Variants in CTNNA1 observed in about 807,000 individuals in gnomAD.
The protein encoded by CTNNA1 is catenin alpha 1.
A neutral mutation model predicts 98.4 loss-of-function variants in CTNNA1; 37 were observed. That is an observed-to-expected ratio of 0.38 (90% CI 0.29 to 0.49). The LOEUF (loss-of-function observed/expected upper bound fraction) is 0.49, where lower values mean the gene tolerates loss of function less well. CTNNA1 is among the 20% of genes least tolerant of loss of function. CTNNA1 has a pLI of 0.95. For synonymous variants in CTNNA1, 404 were observed against 413.2 expected, an observed-to-expected ratio of 0.98 and a Z score of 0.27; for missense variants, 761 against 1,147.2, an observed-to-expected ratio of 0.66 and a Z score of 4.86.
chr5:138,757,942 C>G (rs186195094), intron 1 of CTNNA1, among the ~76,000 whole-genome samples: 3 of 152,110 alleles, frequency 2.0e-5, no homozygotes, highest in Admixed American at 2.0e-4. Flanking sequence ...CCACCCAGAT[C>G]TAATCACTGA....
At chr5:138,801,097 A>G (rs1198066268) in intron 3 of CTNNA1, among the ~76,000 whole-genome samples, 3 of 152,250 alleles carry the variant, frequency 2.0e-5, no homozygotes, top group Non-Finnish European at 2.9e-5. Flanking sequence ...GATGATTAGC[A>G]TCGCATGCAG....
chr5:138,897,298 CCCCCCCCCCCG>C (rs1176005546), intron 9 of CTNNA1, among the ~76,000 whole-genome samples: 1 of 78,490 alleles, frequency 1.3e-5, no homozygotes, highest in East Asian at 5.1e-4. Context: ...CACCGCACCC[CCCCCCCCCCCG>C]CCCCCGCCCA....
chr5:138,890,576 A>G (rs75562320), intron 9 of CTNNA1, among the ~76,000 whole-genome samples: 2,827 of 152,314 alleles, frequency 0.019, 93 homozygotes, highest in African/African-American at 0.065. Flanking sequence ...CAGAGATTCT[A>G]TGCCTCTTCC....
At chr5:138,853,729 T>G (rs751521640) in intron 7 of CTNNA1, among the ~76,000 whole-genome samples, 1 of 152,230 alleles carries the variant, frequency 6.6e-6, no homozygotes, top group Non-Finnish European at 1.5e-5. Flanking sequence ...GGGCACAGAT[T>G]AAAGAGTTTA....
intron 7 of CTNNA1, chr5:138,875,648 T>C: frequency 1.0e-6 from 1 of 985,482 alleles, no homozygotes; most frequent in Non-Finnish European, 1.2e-6. Flanking sequence ...AGAGCCAGTG[T>C]TAGACTGCCG....
At chr5:138,887,452 G>A in intron 8 of CTNNA1, 38 bp from the exon 9 acceptor site, 1 of 1,502,498 alleles carries the variant, frequency 6.7e-7, no homozygotes. Context: ...TACCTTTTTG[G>A]TAGAAATAAA....
intron 3 of CTNNA1, among the ~76,000 whole-genome samples, chr5:138,798,046 A>C (rs539986417): frequency 3.9e-5 from 6 of 152,314 alleles, no homozygotes; most frequent in Non-Finnish European, 7.3e-5. Flanking sequence ...ATTTAAAATT[A>C]AAAGCTAACA....
At chr5:138,877,250 G>T (rs1161817177) in intron 7 of CTNNA1, among the ~76,000 whole-genome samples, 2 of 152,110 alleles carry the variant, frequency 1.3e-5, no homozygotes, top group Non-Finnish European at 2.9e-5. Context: ...TCTCTCAATA[G>T]GCTAGAACTT....
chr5:138,919,573 C>G (rs1032478664), intron 11 of CTNNA1, among the ~76,000 whole-genome samples: 3 of 152,198 alleles, frequency 2.0e-5, no homozygotes, highest in East Asian at 1.9e-4. Context: ...TTAACAGATA[C>G]ACTGTTGTCT....
intron 5 of CTNNA1, among the ~76,000 whole-genome samples, chr5:138,819,712 G>C (rs1447893601): frequency 6.6e-6 from 1 of 152,166 alleles, no homozygotes; most frequent in African/African-American, 2.4e-5. Flanking sequence ...AGTGTGGGGT[G>C]ACTCCTCTAA....
intron 3 of CTNNA1, among the ~76,000 whole-genome samples, chr5:138,799,698 T>C (rs1757349555): frequency 1.3e-5 from 2 of 152,050 alleles, no homozygotes; most frequent in Admixed American, 1.3e-4. Flanking sequence ...CTTATTTATA[T>C]ACTTGTTTAT....
chr5:138,762,228 C>T (rs1752448260), intron 1 of CTNNA1: 1 of 152,206 alleles, frequency 6.6e-6, no homozygotes. Context: ...GCTTCCAGAC[C>T]TTGAAGATAT....
chr5:138,795,066 C>T (rs1437948005), intron 3 of CTNNA1, among the ~76,000 whole-genome samples: 1 of 149,460 alleles, frequency 6.7e-6, no homozygotes, highest in Non-Finnish European at 1.5e-5. Flanking sequence ...GGGAGAATCA[C>T]TTGAACTCGG....
chr5:138,877,603 A>G (rs288034), intron 7 of CTNNA1, among the ~76,000 whole-genome samples: 52,047 of 150,914 alleles, frequency 0.34, 9,538 homozygotes, highest in African/African-American at 0.5. Context: ...GCCCGCCACC[A>G]CGCCCGGCTA....
In CTNNA1 at chr5:138,874,213, T is replaced by C. The variant is rs373970036; in HGVS notation, c.1063-11999T>C. ...GCAAGTAAAATATTTTGTTGGAACT[T>C]AAGATTAATTCCTTAAGTTTATATA... On this transcript the variant is annotated intron_variant, in intron 7 of 17. Coordinates refer to ENST00000302763, the MANE Select transcript of CTNNA1 (RefSeq NM_001903.5). The surrounding 1 kb of genome is among the most constrained non-coding windows in gnomAD (Gnocchi z 4.1). The C allele has an allele frequency of 1.5e-5, 25 of 1,613,892 alleles. No individual in the cohort carries two copies. Among genetic ancestry groups the C allele is most frequent in the African/African-American group, 5.3e-5 (4 of 74,926 alleles).
chr5:138,813,438 C>A (rs189826920), intron 5 of CTNNA1, among the ~76,000 whole-genome samples: 1 of 152,284 alleles, frequency 6.6e-6, no homozygotes, highest in Non-Finnish European at 1.5e-5. Flanking sequence ...TCAGAATAAT[C>A]CAGATCCACC....
At chr5:138,808,850 A>G (rs1025434644) in intron 3 of CTNNA1, among the ~76,000 whole-genome samples, 1 of 152,096 alleles carries the variant, frequency 6.6e-6, no homozygotes, top group Admixed American at 6.6e-5. Flanking sequence ...TAACCAGTGG[A>G]CAAGACACAA....
intron 3 of CTNNA1, among the ~76,000 whole-genome samples, chr5:138,796,625 C>G (rs2149693339): frequency 6.6e-6 from 1 of 151,640 alleles, no homozygotes; most frequent in Non-Finnish European, 1.5e-5. Context: ...ATAAAGAGAA[C>G]AAAGTTACTT....
intron 2 of CTNNA1, 146 bp from the exon 3 acceptor site, chr5:138,783,031 A>G (rs1755301109): frequency 5.2e-6 from 3 of 580,294 alleles, no homozygotes; most frequent in Middle Eastern, 4.8e-4. Context: ...TCATTGCTGT[A>G]TATCTTAAAT....
Sources: allele counts gnomAD v4.1 joint callset (sites outside exome capture counted in the v4.1 genomes callset), GRCh38; gene constraint gnomAD v4.1.1; non-coding constraint Gnocchi (gnomAD v3.1); transcripts MANE v1.5; gene names NCBI Gene and HGNC (gene_info 2026-07-23, HGNC 2026-07-21).